Variants in NR3C2 observed in about 807,000 individuals in gnomAD.
NR3C2 encodes mineralocorticoid receptor.
In NR3C2, 15 loss-of-function variants were observed where a neutral mutation model predicts 86.4. That is an observed-to-expected ratio of 0.17 (90% CI 0.12 to 0.27). The LOEUF (loss-of-function observed/expected upper bound fraction) is 0.27, where lower values mean the gene tolerates loss of function less well. Ranked by LOEUF, NR3C2 falls within the 10% of genes least tolerant of loss-of-function variation. The probability of loss-of-function intolerance (pLI) is 1.00; values close to 1 mark genes in which losing one functional copy is unlikely to be tolerated. For missense variants in NR3C2, 960 were observed against 1,195.6 expected, an observed-to-expected ratio of 0.80 and a Z score of 2.91; for synonymous variants, 458 against 450.5, an observed-to-expected ratio of 1.02 and a Z score of -0.21.
chr4:148,136,357 A>C (rs1733342990), intron 6 of NR3C2, among the ~76,000 whole-genome samples: 1 of 151,508 alleles, frequency 6.6e-6, no homozygotes, highest in South Asian at 2.1e-4. Context: ...TCATGGAGAG[A>C]AGGAAGGGAA....
intron 2 of NR3C2, among the ~76,000 whole-genome samples, chr4:148,419,807 T>C (rs537087016): frequency 1.4e-4 from 21 of 152,080 alleles, no homozygotes; most frequent in Non-Finnish European, 2.2e-4. Flanking sequence ...TAATTTTCTG[T>C]TCTCCACCAG....
intron 2 of NR3C2, among the ~76,000 whole-genome samples, chr4:148,278,689 T>C (rs1304649597): frequency 6.6e-6 from 1 of 152,164 alleles, no homozygotes; most frequent in Non-Finnish European, 1.5e-5. Flanking sequence ...TTTTTATGGC[T>C]TTGTCAAGAA....
intron 4 of NR3C2, among the ~76,000 whole-genome samples, chr4:148,186,982 ATG>A (rs1372753049): frequency 0.039 from 1,354 of 34,282 alleles, 198 homozygotes; most frequent in African/African-American, 0.061. Flanking sequence ...CATCATACTG[ATG>A]TGTGTATGTA....
chr4:148,080,454 A>G lies in NR3C2; in HGVS notation c.*890T>C. 1 of 154,234 alleles carries G rather than the reference A, an allele frequency of 6.5e-6. No individual in the cohort carries two copies. Among genetic ancestry groups the G allele is most frequent in the Non-Finnish European group, 1.5e-5 (1 of 68,916 alleles). The allele number at this position is 154,234 out of a possible 1,614,324, so 9.6% of individuals were successfully genotyped here. A position where few individuals can be genotyped will look rare whatever the true frequency, so the allele number is the denominator to read the frequency against. On this transcript the variant is annotated 3_prime_UTR_variant, in exon 9 of 9. Coordinates refer to ENST00000358102, the MANE Select transcript of NR3C2 (RefSeq NM_000901.5). Reference sequence around the variant, plus strand: ...TGCATGCAGGACATTGCACTTTACAAAAAAAAATTACCTTGTTTAGACAAA... The same window carrying G: ...TGCATGCAGGACATTGCACTTTACAGAAAAAAATTACCTTGTTTAGACAAA...
intron 2 of NR3C2, among the ~76,000 whole-genome samples, chr4:148,387,405 T>C (rs1747319909): frequency 6.6e-6 from 1 of 152,144 alleles, no homozygotes; most frequent in African/African-American, 2.4e-5. Context: ...AGACCCCCAT[T>C]TGATTAAGCC....
chr4:148,097,560 T>C (rs928236108), intron 8 of NR3C2, among the ~76,000 whole-genome samples: 2 of 152,190 alleles, frequency 1.3e-5, no homozygotes, highest in African/African-American at 4.8e-5. Context: ...TAGCATTAGA[T>C]ACTGACCATA....
intron 7 of NR3C2, among the ~76,000 whole-genome samples, chr4:148,116,113 C>A (rs1260047071): frequency 6.6e-6 from 1 of 152,126 alleles, no homozygotes; most frequent in Non-Finnish European, 1.5e-5. Context: ...AGTATAGATA[C>A]TTATATGGAC....
intron 4 of NR3C2, among the ~76,000 whole-genome samples, chr4:148,185,163 A>G (rs960388674): frequency 1.3e-5 from 2 of 152,258 alleles, no homozygotes; most frequent in African/African-American, 4.8e-5. Flanking sequence ...TCTGAGAGGT[A>G]GGTATGCTGA....
intron 1 of NR3C2, among the ~76,000 whole-genome samples, chr4:148,437,666 G>A (rs1211379336): frequency 6.6e-6 from 1 of 152,150 alleles, no homozygotes; most frequent in South Asian, 2.1e-4. Flanking sequence ...CTGCTAGAAC[G>A]ACTGCCAACA....
intron 4 of NR3C2, among the ~76,000 whole-genome samples, chr4:148,160,276 G>C (rs904248997): frequency 6.6e-6 from 1 of 152,172 alleles, no homozygotes; most frequent in African/African-American, 2.4e-5. Flanking sequence ...ACCTGCAAAA[G>C]AGCAGGCAGA....
At chr4:148,304,219 C>A (rs546411509) in intron 2 of NR3C2, among the ~76,000 whole-genome samples, 6 of 151,932 alleles carry the variant, frequency 3.9e-5, no homozygotes, top group South Asian at 4.2e-4. Context: ...ATCCTCCAAA[C>A]TGGGAAAAGT....
chr4:148,206,611 T>C (rs944059501), intron 3 of NR3C2, among the ~76,000 whole-genome samples: 4 of 152,162 alleles, frequency 2.6e-5, no homozygotes, highest in Non-Finnish European at 5.9e-5. Flanking sequence ...AGGGGTAAAA[T>C]CTGCATACGT....
At chr4:148,120,052 G>GT in intron 7 of NR3C2, 106 bp downstream of exon 7, 1 of 1,457,676 alleles carries the variant, frequency 6.9e-7, no homozygotes. Flanking sequence ...TGTTTGGTTT[G>GT]TTTTTGTTTT....
chr4:148,332,096 T>C (rs1428320215), intron 2 of NR3C2, among the ~76,000 whole-genome samples: 1 of 152,150 alleles, frequency 6.6e-6, no homozygotes, highest in Non-Finnish European at 1.5e-5. Context: ...CAAAATATCT[T>C]TATAAAACTA....
intron 7 of NR3C2, among the ~76,000 whole-genome samples, chr4:148,116,208 TTAAC>T (rs1732267013): frequency 1.3e-5 from 2 of 152,216 alleles, no homozygotes; most frequent in Non-Finnish European, 2.9e-5. Context: ...ACATCTAAGA[TTAAC>T]CAAATTTATA....
At chr4:148,248,398 T>C (rs1446599922) in intron 3 of NR3C2, among the ~76,000 whole-genome samples, 2 of 152,216 alleles carry the variant, frequency 1.3e-5, no homozygotes, top group African/African-American at 4.8e-5. Flanking sequence ...CAACCTAGAC[T>C]AATCCTGCAC....
chr4:148,096,739 T>C (rs1167474480), intron 8 of NR3C2, among the ~76,000 whole-genome samples: 1 of 152,208 alleles, frequency 6.6e-6, no homozygotes, highest in Non-Finnish European at 1.5e-5. Flanking sequence ...TCATATGTTA[T>C]GAAATTGTTT....
At chr4:148,408,038 G>A (rs1748506546) in intron 2 of NR3C2, among the ~76,000 whole-genome samples, 1 of 152,132 alleles carries the variant, frequency 6.6e-6, no homozygotes, top group African/African-American at 2.4e-5. Context: ...CCTTAGAAGA[G>A]CACTCCCTCC....
chr4:148,421,022 C>T (rs1487137224), intron 2 of NR3C2, among the ~76,000 whole-genome samples: 1 of 152,194 alleles, frequency 6.6e-6, no homozygotes. Context: ...TACAGCAATA[C>T]AAGAACAGAC....
Sources: allele counts gnomAD v4.1 joint callset (sites outside exome capture counted in the v4.1 genomes callset), GRCh38; gene constraint gnomAD v4.1.1; transcripts MANE v1.5; gene names NCBI Gene and HGNC (gene_info 2026-07-23, HGNC 2026-07-21).